The following DSE variants were observed in gnomAD, a reference collection of about 807,000 sequenced individuals.
The protein encoded by DSE is dermatan sulfate epimerase, also known as dermatan-sulfate epimerase.
DSE carries 36 observed loss-of-function variants against 84.4 expected under a neutral mutation model. The ratio of observed to expected loss-of-function variants is 0.43; its 90% confidence interval spans 0.33 to 0.56. DSE has a LOEUF of 0.56. Ranked by LOEUF, DSE falls within the 20% of genes least tolerant of loss-of-function variation. The pLI is 0.06. For synonymous variants in DSE, 410 were observed against 430.1 expected (o/e 0.95, Z 0.58); for missense variants, 862 against 1,169.6 (o/e 0.74, Z 3.84).
In DSE at chr6:116,444,195, C is replaced by A. The variant is rs576759234; in HGVS notation, c.*6850C>A. ...GGACTGATGAAAGGGAGACGTGATT[C>A]TTTTGAAAGATTAATTCACAGAATT... On this transcript the variant is annotated 3_prime_UTR_variant, in exon 6 of 6. Coordinates refer to ENST00000644252, the MANE Select transcript of DSE (RefSeq NM_013352.4). 6.6e-6 allele frequency: 1 copy of A among 152,280 alleles called. No individual in the cohort carries two copies. The highest frequency in any genetic ancestry group is 6.5e-5 in the Admixed American group (1 of 15,306). 9.4% of individuals were successfully genotyped at this position (152,280 alleles called of 1,614,324 possible). A position where few individuals can be genotyped will look rare whatever the true frequency, so the allele number is the denominator to read the frequency against.
intron 1 of DSE, chr6:116,255,753 A>C (rs1772115447): frequency 6.6e-6 from 1 of 152,234 alleles, no homozygotes; most frequent in Admixed American, 6.5e-5. Flanking sequence ...TTTCCATTAT[A>C]ACCTGAGTCA....
chr6:116,360,397 A>G (rs940642652), intron 2 of DSE, among the ~76,000 whole-genome samples: 1 of 152,172 alleles, frequency 6.6e-6, no homozygotes, highest in African/African-American at 2.4e-5. Context: ...CTGCATCTGG[A>G]AAAAAAGTCA....
At chr6:116,301,409 A>G (rs912560425) in intron 2 of DSE, among the ~76,000 whole-genome samples, 8 of 152,182 alleles carry the variant, frequency 5.3e-5, no homozygotes, top group East Asian at 1.9e-4. Context: ...CCGTCTGCTC[A>G]GAGTCATGCT....
chr6:116,298,621 A>G (rs369297763), intron 2 of DSE, among the ~76,000 whole-genome samples: 4 of 152,220 alleles, frequency 2.6e-5, no homozygotes, highest in Admixed American at 1.3e-4. Flanking sequence ...TAGACTTCTC[A>G]TTTCCAGAAC....
At chr6:116,414,579 A>C (rs1011095473) in intron 2 of DSE, among the ~76,000 whole-genome samples, 3 of 151,536 alleles carry the variant, frequency 2.0e-5, no homozygotes, top group African/African-American at 7.3e-5. Context: ...CGCCCAGCTA[A>C]TGTTGTATTT....
At chr6:116,426,893 A>T (rs1783487827) in intron 3 of DSE, 66 bp downstream of exon 3, 3 of 1,538,930 alleles carry the variant, frequency 1.9e-6, no homozygotes, top group Non-Finnish European at 2.6e-6. Flanking sequence ...TGTTGTGAGC[A>T]AAGCATTTTT....
intron 2 of DSE, among the ~76,000 whole-genome samples, chr6:116,346,919 G>A (rs375618375): frequency 6.6e-6 from 1 of 152,238 alleles, no homozygotes; most frequent in East Asian, 1.9e-4. Flanking sequence ...AACTTCAGCA[G>A]AGTCTCAGGA....
intron 1 of DSE, 75 bp from the exon 2 acceptor site, chr6:116,399,123 C>T (rs567129694): frequency 1.7e-6 from 2 of 1,182,990 alleles, no homozygotes; most frequent in East Asian, 4.9e-5. Flanking sequence ...ATGGTTTCTA[C>T]CTCTTATATG....
Position 116,371,138 on chromosome 6 carries a change from G to T in DSE, c.-54+17G>T. ...CTGGGAGCGGTAAGTGGAGGGGCGC[G>T]CAAGGGACGAGCTGGGGCGCGCGGC... is the stretch of plus-strand genomic sequence containing the variant. On this transcript the variant is annotated intron_variant, in intron 1 of 5. Transcript: ENST00000644252. 1.0e-6 allele frequency: 1 copy of T among 986,070 alleles called. No individual in the cohort carries two copies. The highest frequency in any genetic ancestry group is 1.2e-6 in the Non-Finnish European group (1 of 830,514). 61.1% of individuals were successfully genotyped at this position (986,070 alleles called of 1,614,324 possible). A position where few individuals can be genotyped will look rare whatever the true frequency, so the allele number is the denominator to read the frequency against.
intron 1 of DSE, among the ~76,000 whole-genome samples, chr6:116,379,972 G>A (rs141245886): frequency 1.3e-5 from 2 of 152,052 alleles, no homozygotes; most frequent in African/African-American, 2.4e-5. Context: ...GTGGTGTTAG[G>A]GTGGTTATAT....
intron 2 of DSE, among the ~76,000 whole-genome samples, chr6:116,411,344 T>G (rs1177057118): frequency 1.3e-5 from 2 of 152,254 alleles, no homozygotes; most frequent in Admixed American, 1.3e-4. Flanking sequence ...GCTGGAAGAA[T>G]GAGAAATCGA....
intron 2 of DSE, among the ~76,000 whole-genome samples, chr6:116,420,631 A>G (rs1783011604): frequency 1.3e-5 from 2 of 152,226 alleles, no homozygotes; most frequent in African/African-American, 4.8e-5. Flanking sequence ...TACCCAGTCT[A>G]TGGCATTTTG....
chr6:116,375,306 T>C (rs1248255808), intron 1 of DSE, among the ~76,000 whole-genome samples: 3 of 147,826 alleles, frequency 2.0e-5, no homozygotes, highest in African/African-American at 7.3e-5. Context: ...ATAGGAAATA[T>C]GCTTTTAAAA....
intron 1 of DSE, among the ~76,000 whole-genome samples, chr6:116,374,318 A>G (rs1464531730): frequency 6.6e-6 from 1 of 152,156 alleles, no homozygotes; most frequent in Non-Finnish European, 1.5e-5. Context: ...AAAGAGAAAT[A>G]CTGTTACTGA....
chr6:116,304,545 A>C (rs1203166740), intron 2 of DSE, among the ~76,000 whole-genome samples: 1 of 152,206 alleles, frequency 6.6e-6, no homozygotes, highest in Non-Finnish European at 1.5e-5. Context: ...GCCTCACATC[A>C]TTTCAGGTCA....
At chr6:116,318,755 TA>T (rs1330911256) in intron 2 of DSE, among the ~76,000 whole-genome samples, 1 of 152,182 alleles carries the variant, frequency 6.6e-6, no homozygotes, top group African/African-American at 2.4e-5. Flanking sequence ...AATTTAAAAA[TA>T]TTTTTTGGAA....
intron 2 of DSE, among the ~76,000 whole-genome samples, chr6:116,293,996 AAT>A: frequency 6.6e-6 from 1 of 152,052 alleles, no homozygotes. Flanking sequence ...ATAGTTAATA[AAT>A]ATGTCTATTT....
intron 1 of DSE, among the ~76,000 whole-genome samples, chr6:116,395,465 A>G (rs1239396971): frequency 3.9e-5 from 6 of 152,218 alleles, no homozygotes. Context: ...GACCATTCCC[A>G]TAAACTCATT....
At chr6:116,385,716 G>A (rs1780538654) in intron 1 of DSE, among the ~76,000 whole-genome samples, 1 of 151,740 alleles carries the variant, frequency 6.6e-6, no homozygotes. Flanking sequence ...AGTATGCTGG[G>A]ATTTTAATGC....
Sources: allele counts gnomAD v4.1 joint callset (sites outside exome capture counted in the v4.1 genomes callset), GRCh38; gene constraint gnomAD v4.1.1; transcripts MANE v1.5; gene names NCBI Gene and HGNC (gene_info 2026-07-23, HGNC 2026-07-21).